Variants in TCHP observed in about 807,000 individuals in gnomAD.
TCHP encodes trichoplein keratin filament-binding protein.
A neutral mutation model predicts 88.7 loss-of-function variants in TCHP; 81 were observed. The ratio of observed to expected loss-of-function variants is 0.91; its 90% CI spans 0.76 to 1.10. The LOEUF is 1.10. Ranked by LOEUF, TCHP falls within the 50% of genes least tolerant of loss-of-function variation. The pLI is 0.00. For synonymous variants in TCHP, 232 were observed against 232.5 expected (o/e 1.00, Z 0.02); for missense variants, 641 against 632.1 (o/e 1.01, Z -0.15).
In TCHP at chr12:109,907,492, A is replaced by G. The variant is rs376584561; in HGVS notation, c.526-34A>G. ...CTAGGTTTTTGTTGGCTTACGGTAC[A>G]GATATTGACCTGTGTTCATTTGGTC... On this transcript the variant is annotated intron_variant, in intron 5 of 12. Coordinates refer to ENST00000405876, the MANE Select transcript of TCHP (RefSeq NM_001143852.2). The G allele has an allele frequency of 3.4e-5, 55 of 1,595,036 alleles. No individual in the cohort carries two copies. In the African/African-American group the frequency reaches 5.6e-4, roughly 16 times the overall value.
chr12:109,907,279 G>T (rs1430378869), intron 5 of TCHP, among the ~76,000 whole-genome samples: 1 of 152,224 alleles, frequency 6.6e-6, no homozygotes, highest in Non-Finnish European at 1.5e-5. Flanking sequence ...CCCCTTTGGG[G>T]TTAAGCTTCC....
At chr12:109,893,524 C>T in the TCHP span, among the ~76,000 whole-genome samples, 1 of 152,186 alleles carries the variant, frequency 6.6e-6, no homozygotes, top group Admixed American at 6.5e-5. Context: ...CAGGATACTT[C>T]TTTATGCTGG....
At chr12:109,893,343 G>A in the TCHP span, among the ~76,000 whole-genome samples, 1 of 149,882 alleles carries the variant, frequency 6.7e-6, no homozygotes, top group Admixed American at 6.7e-5. Context: ...CTGCACCATT[G>A]CACTCCAGCC....
chr12:109,884,359 G>A, the TCHP span, among the ~76,000 whole-genome samples: 2 of 151,678 alleles, frequency 1.3e-5, no homozygotes, highest in Non-Finnish European at 2.9e-5. Context: ...CGGCTAATTT[G>A]TTTGATTTTT....
At chr12:109,904,282 G>A in intron 3 of TCHP, 135 bp downstream of exon 3, 1 of 757,750 alleles carries the variant, frequency 1.3e-6, no homozygotes, top group South Asian at 1.8e-5. Context: ...CAGGAAAAGA[G>A]CTTAGGTCCT....
rs1263969948 is a variant in TCHP, at chr12:109,905,407, A to G, written c.456+614A>G. On this transcript the variant is annotated intron_variant, in intron 4 of 12. Transcript: ENST00000405876. The surrounding 1 kb of genome is among the most constrained non-coding windows in gnomAD (Gnocchi z 4.0). ...GAAGAGCTTGTGTGACCTTCCTCCA[A>G]AGGGGCTGGGGGCAGCATACAGGAT... 3.9e-5 allele frequency among the ~76,000 whole-genome samples: 6 copies of G among 152,080 alleles called. No homozygotes were observed. Among genetic ancestry groups the G allele is most frequent in the Non-Finnish European group, 7.4e-5 (5 of 68,010 alleles).
chr12:109,903,324 C>A lies in TCHP; in HGVS notation c.188+110C>A. On this transcript the variant is annotated intron_variant, in intron 2 of 12. Coordinates refer to ENST00000405876, the MANE Select transcript of TCHP (RefSeq NM_001143852.2). The surrounding 1 kb of genome is among the most constrained non-coding windows in gnomAD (Gnocchi z 4.6). The stretch of plus-strand genomic sequence containing the variant: ...AGGATTTGCCAGGCAGTATGAATTA[C>A]CTGCATGGTGATGTTTTTCCAGCTG... 1 of 955,582 alleles carries A rather than the reference C, an allele frequency of 1.0e-6. No individual in the cohort carries two copies. The highest frequency in any genetic ancestry group is 1.5e-6 in the Non-Finnish European group (1 of 654,304). 59.2% of individuals were successfully genotyped at this position (955,582 alleles called of 1,614,324 possible). A position where few individuals can be genotyped will look rare whatever the true frequency, so the allele number is the denominator to read the frequency against.
At position 109,905,943 on chromosome 12, in the gene TCHP, C is replaced by T. The variant is rs1870100437; in HGVS notation, c.457-629C>T. Among the ~76,000 whole-genome samples the T allele has an allele frequency of 6.6e-6, 1 of 152,216 alleles. No homozygotes were observed. Among genetic ancestry groups the T allele is most frequent in the South Asian group, 2.1e-4 (1 of 4,832 alleles). ...GTCTCAAACCTGGGCTCAAGTGATC[C>T]TCCCACCTCAGCCTCCCGAGTAGCT... On this transcript the variant is annotated intron_variant, in intron 4 of 12. Transcript: ENST00000405876. This position sits in a 1 kb window ranked among gnomAD's most constrained non-coding sequence, Gnocchi z 4.0.
upstream of TCHP, among the ~76,000 whole-genome samples, chr12:109,896,403 C>T (rs11608661): frequency 0.027 from 4,114 of 152,204 alleles, 68 homozygotes; most frequent in Non-Finnish European, 0.042. Context: ...TGAGCCTCAG[C>T]GCCCTCATCT....
At chr12:109,890,800 G>A in the TCHP span, among the ~76,000 whole-genome samples, 6 of 152,264 alleles carry the variant, frequency 3.9e-5, no homozygotes, top group East Asian at 1.9e-4. Context: ...ACGAGCCACC[G>A]TGCTCAGCTG....
At chr12:109,892,496 A>G in the TCHP span, among the ~76,000 whole-genome samples, 1 of 152,222 alleles carries the variant, frequency 6.6e-6, no homozygotes, top group East Asian at 1.9e-4. Flanking sequence ...ATGGGGAGCC[A>G]TGGAAGGTTC....
chr12:109,904,872 T>C, intron 4 of TCHP, 79 bp downstream of exon 4: 1 of 1,343,872 alleles, frequency 7.4e-7, no homozygotes, highest in Non-Finnish European at 1.0e-6. Context: ...TGAACACGTA[T>C]CTTGTACCGG....
chr12:109,895,988 C>A (rs1213008773), upstream of TCHP, among the ~76,000 whole-genome samples: 2 of 152,082 alleles, frequency 1.3e-5, no homozygotes, highest in Non-Finnish European at 2.9e-5. Flanking sequence ...ACTCTGTTGC[C>A]CAGGTTGGAG....
chr12:109,892,339 G>A, the TCHP span, among the ~76,000 whole-genome samples: 1 of 152,234 alleles, frequency 6.6e-6, no homozygotes, highest in African/African-American at 2.4e-5. Flanking sequence ...GTAGGAGTTA[G>A]CAGAGGGGAA....
At chr12:109,912,904 A>T (rs893967249) in intron 9 of TCHP, 87 bp from the exon 10 acceptor site, 2 of 1,050,410 alleles carry the variant, frequency 1.9e-6, no homozygotes, top group Non-Finnish European at 3.0e-6. Flanking sequence ...TGCAGAAGCC[A>T]TGTGCCCTGC....
At position 109,903,296 on chromosome 12, in the gene TCHP, C is replaced by T. The variant is rs1378896753; in HGVS notation, c.188+82C>T. 9.7e-6 allele frequency: 13 copies of T among 1,342,592 alleles called. No homozygotes were observed. Among genetic ancestry groups the T allele is most frequent in the African/African-American group, 5.8e-5 (4 of 69,212 alleles). 83.2% of individuals were successfully genotyped at this position (1,342,592 alleles called of 1,614,324 possible). On this transcript the variant is annotated intron_variant, in intron 2 of 12. Transcript: ENST00000405876. The surrounding 1 kb of genome is among the most constrained non-coding windows in gnomAD (Gnocchi z 4.6). The stretch of plus-strand genomic sequence containing the variant: ...GATGAGGCCTTAAGGATTTAGGGAG[C>T]GTAGGATTTGCCAGGCAGTATGAAT...
Position 109,911,201 on chromosome 12 carries a change from C to G in TCHP, c.1018C>G (p.Arg340Gly), listed in dbSNP as rs754949978. The G allele has an allele frequency of 1.9e-6, 3 of 1,585,518 alleles. No individual in the cohort carries two copies. The African/African-American group carries it at 4.0e-5, about 21-fold the overall frequency. ...CATTGAGGAGCAGCTGCAGCTGGAG[C>G]GGGCGCGGGAGGCAGAGCTGCAGAT... ...QAIEEQLQLE[R>G]AREAELQMLL... Residue 340 changes from arginine to glycine, a missense_variant, in exon 9 of 13, where the codon CGG (arginine) becomes GGG (glycine). Physicochemically the swap from Arg to Gly is moderately radical, Grantham distance 125. Transcript: ENST00000405876.
At chr12:109,882,095 A>T in the TCHP span, among the ~76,000 whole-genome samples, 1 of 152,200 alleles carries the variant, frequency 6.6e-6, no homozygotes, top group Non-Finnish European at 1.5e-5. Context: ...AAAATAAAAC[A>T]GTGTAGTGAC....
intron 6 of TCHP, 58 bp from the exon 7 acceptor site, chr12:109,908,528 A>G (rs1870278757): frequency 1.4e-6 from 2 of 1,413,260 alleles, no homozygotes; most frequent in Non-Finnish European, 2.0e-6. Flanking sequence ...AGAATGAAGG[A>G]AGATCTGATT....
Sources: allele counts gnomAD v4.1 joint callset (sites outside exome capture counted in the v4.1 genomes callset), GRCh38; gene constraint gnomAD v4.1.1; non-coding constraint Gnocchi (gnomAD v3.1); transcripts MANE v1.5; gene names NCBI Gene and HGNC (gene_info 2026-07-23, HGNC 2026-07-21).